Variants in ZNF804A observed in about 807,000 individuals in gnomAD.
ZNF804A encodes zinc finger protein 804A.
A neutral mutation model predicts 16.5 loss-of-function variants in ZNF804A; 2 were observed. That is an observed-to-expected ratio of 0.12 (90% CI 0.05 to 0.38). ZNF804A has a LOEUF of 0.38. Ranked by LOEUF, ZNF804A falls within the 10% of genes least tolerant of loss-of-function variation. The pLI, the probability that ZNF804A is intolerant of heterozygous loss-of-function variation, is 0.99. For missense variants in ZNF804A, 1,473 were observed against 1,390.7 expected, an observed-to-expected ratio of 1.06 and a Z score of -0.94; for synonymous variants, 534 against 489.6, an observed-to-expected ratio of 1.09 and a Z score of -1.20.
Position 184,717,351 on chromosome 2 carries a change from G to T in ZNF804A, c.111+118281G>T, listed in dbSNP as rs369058920. On this transcript the variant is annotated intron_variant, in intron 1 of 3. Transcript: ENST00000302277. Reference sequence around the variant, plus strand: ...CAGATTCTTTTTTTTAGATCTATTTGCTGTTGTTTTGTTGGTTTCATCAGT... The same window carrying T: ...CAGATTCTTTTTTTTAGATCTATTTTCTGTTGTTTTGTTGGTTTCATCAGT... Among the ~76,000 whole-genome samples the T allele has an allele frequency of 3.3e-5, 5 of 151,596 alleles. No homozygotes were observed. In the East Asian group the frequency reaches 7.7e-4, roughly 23 times the overall value.
chr2:184,742,680 A>G (rs1175446746), intron 1 of ZNF804A, among the ~76,000 whole-genome samples: 2 of 151,570 alleles, frequency 1.3e-5, no homozygotes, highest in Non-Finnish European at 2.9e-5. Flanking sequence ...TTTGTTGGTC[A>G]CCTATTAGGT....
At chr2:184,765,651 C>A (rs1199253633) in intron 1 of ZNF804A, among the ~76,000 whole-genome samples, 1 of 138,808 alleles carries the variant, frequency 7.2e-6, no homozygotes, top group African/African-American at 2.7e-5. Flanking sequence ...ACAGGAATTG[C>A]TCAGTCGGGG....
intron 1 of ZNF804A, among the ~76,000 whole-genome samples, chr2:184,678,357 T>A (rs1574158657): frequency 6.6e-6 from 1 of 152,244 alleles, no homozygotes; most frequent in East Asian, 1.9e-4. Context: ...CAAAACCGAA[T>A]TAAGTTTAAT....
At chr2:184,924,694 TTAG>T (rs1248505875) in intron 2 of ZNF804A, among the ~76,000 whole-genome samples, 2 of 151,830 alleles carry the variant, frequency 1.3e-5, no homozygotes, top group Non-Finnish European at 2.9e-5. Flanking sequence ...AACTTTCCTC[TTAG>T]TAGTGCTTTG....
rs148974764 is a variant in ZNF804A, at chr2:184,675,966, A to T, written c.111+76896A>T. 1.7e-3 allele frequency among the ~76,000 whole-genome samples: 262 copies of T among 151,756 alleles called. 9 individuals are homozygous for T. In the East Asian group the frequency reaches 0.034, roughly 20 times the overall value. ...TATCAAAACATTAAGAACATTTATT[A>T]AAAAAAATTCAGTAACTCAGTAATG... On this transcript the variant is annotated intron_variant, in intron 1 of 3. Transcript: ENST00000302277.
At chr2:184,619,777 A>T (rs924878289) in intron 1 of ZNF804A, among the ~76,000 whole-genome samples, 1 of 151,912 alleles carries the variant, frequency 6.6e-6, no homozygotes, top group Non-Finnish European at 1.5e-5. Context: ...CGTTATTTAT[A>T]ACAATTCTTA....
At chr2:184,697,724 C>T (rs1007536336) in intron 1 of ZNF804A, among the ~76,000 whole-genome samples, 11 of 152,020 alleles carry the variant, frequency 7.2e-5, no homozygotes, top group African/African-American at 2.7e-4. Context: ...AACACACACA[C>T]ACAAAATCAA....
chr2:184,788,679 A>AT (rs1430550298), intron 1 of ZNF804A, among the ~76,000 whole-genome samples: 1 of 152,036 alleles, frequency 6.6e-6, no homozygotes, highest in Non-Finnish European at 1.5e-5. Context: ...TTGTACACTG[A>AT]TTTTGTATCC....
intron 2 of ZNF804A, among the ~76,000 whole-genome samples, chr2:184,908,536 AG>A (rs1484471012): frequency 1.3e-5 from 2 of 152,154 alleles, no homozygotes; most frequent in African/African-American, 2.4e-5. Flanking sequence ...TGAACATTTA[AG>A]GGGAACATTA....
chr2:184,829,943 C>CCA (rs112019305), intron 1 of ZNF804A, among the ~76,000 whole-genome samples: 17 of 112,384 alleles, frequency 1.5e-4, no homozygotes, highest in African/African-American at 5.6e-4. Context: ...AAAAAAAAAA[C>CCA]CACACACACA....
intron 1 of ZNF804A, among the ~76,000 whole-genome samples, chr2:184,620,088 T>C (rs1182593680): frequency 6.6e-6 from 1 of 151,762 alleles, no homozygotes. Flanking sequence ...TAAACACTTA[T>C]TTCACTGATT....
At chr2:184,820,349 C>T (rs1018467179) in intron 1 of ZNF804A, among the ~76,000 whole-genome samples, 2 of 152,106 alleles carry the variant, frequency 1.3e-5, no homozygotes, top group East Asian at 1.9e-4. Context: ...CAGGAAATGC[C>T]TTTGATAAAA....
At chr2:184,801,479 T>C (rs1694726564) in intron 1 of ZNF804A, among the ~76,000 whole-genome samples, 1 of 152,204 alleles carries the variant, frequency 6.6e-6, no homozygotes, top group African/African-American at 2.4e-5. Context: ...TTCTGTTCTA[T>C]TTTTGTCATT....
intron 1 of ZNF804A, among the ~76,000 whole-genome samples, chr2:184,733,681 T>C (rs1693560045): frequency 6.6e-6 from 1 of 152,200 alleles, no homozygotes; most frequent in Non-Finnish European, 1.5e-5. Context: ...TTGTAAATTA[T>C]TAATTCAATT....
At chr2:184,801,751 G>A (rs1300688262) in intron 1 of ZNF804A, among the ~76,000 whole-genome samples, 2 of 152,068 alleles carry the variant, frequency 1.3e-5, no homozygotes, top group African/African-American at 4.8e-5. Flanking sequence ...ATTCCTGTTT[G>A]GTAATTCCAA....
chr2:184,602,129 T>C (rs1417809004), intron 1 of ZNF804A, among the ~76,000 whole-genome samples: 1 of 151,858 alleles, frequency 6.6e-6, no homozygotes, highest in Non-Finnish European at 1.5e-5. Context: ...CACCCAAACA[T>C]AAAATTTTGG....
intron 1 of ZNF804A, among the ~76,000 whole-genome samples, chr2:184,792,006 T>C (rs1361980601): frequency 6.6e-6 from 1 of 152,186 alleles, no homozygotes; most frequent in African/African-American, 2.4e-5. Flanking sequence ...GATAACTCAT[T>C]TCCTCTTAGT....
chr2:184,787,816 T>G (rs1038303228), intron 1 of ZNF804A, among the ~76,000 whole-genome samples: 2 of 145,536 alleles, frequency 1.4e-5, no homozygotes, highest in African/African-American at 5.3e-5. Context: ...TGTTTATTAT[T>G]TCTTTTGCTG....
intron 1 of ZNF804A, among the ~76,000 whole-genome samples, chr2:184,714,515 T>C (rs1335571352): frequency 6.6e-6 from 1 of 152,122 alleles, no homozygotes; most frequent in East Asian, 1.9e-4. Flanking sequence ...CTTCTACAGC[T>C]TGTGAATTAT....
Sources: gnomAD v4.1 joint callset for allele counts (sites outside exome capture counted in the v4.1 genomes callset) on GRCh38, gnomAD v4.1.1 for gene constraint, MANE v1.5 for transcripts, NCBI Gene and HGNC (gene_info 2026-07-23, HGNC 2026-07-21) for gene names.